The following ZFAND3 variants were observed in gnomAD, a reference collection of about 807,000 sequenced individuals.
ZFAND3 encodes the protein AN1-type zinc finger protein 3.
In ZFAND3, 10 loss-of-function variants were observed where a neutral mutation model predicts 29.6. The observed-to-expected ratio is 0.34, with a 90% CI of 0.21 to 0.57. ZFAND3 has a LOEUF of 0.57. ZFAND3 is among the 20% of genes least tolerant of loss of function. ZFAND3 has a pLI of 0.86. For missense variants in ZFAND3, 230 were observed against 304.5 expected (o/e 0.76, Z 1.82); for synonymous variants, 128 against 112.6 (o/e 1.14, Z -0.87).
chr6:38,062,300 T>G (rs1764256734), intron 3 of ZFAND3: 3 of 152,502 alleles, frequency 2.0e-5, no homozygotes, highest in Non-Finnish European at 2.9e-5. Flanking sequence ...ATAGGATGTT[T>G]AAAGGAAGGA....
chr6:38,144,184 AATATATATATAT>A (rs1554183921), intron 5 of ZFAND3, among the ~76,000 whole-genome samples: 4 of 42,544 alleles, frequency 9.4e-5, no homozygotes, highest in East Asian at 5.5e-4. Flanking sequence ...ATATATATAT[AATATATATATAT>A]ATATATATAT....
At chr6:37,891,421 C>CCG (rs1554153103) in intron 1 of ZFAND3, among the ~76,000 whole-genome samples, 1 of 142,068 alleles carries the variant, frequency 7.0e-6, no homozygotes, top group Non-Finnish European at 1.5e-5. Context: ...TTCAGTCCCC[C>CCG]CCCCCGCCTT....
chr6:37,944,430 T>C (rs1255625035), intron 2 of ZFAND3, among the ~76,000 whole-genome samples: 1 of 152,130 alleles, frequency 6.6e-6, no homozygotes, highest in African/African-American at 2.4e-5. Context: ...GTAGCCTGGG[T>C]TTATAAAATA....
chr6:38,152,720 C>G lies in ZFAND3; in HGVS notation c.*331C>G. 9.7e-7 allele frequency: 1 copy of G among 1,035,358 alleles called. No individual in the cohort carries two copies. Among genetic ancestry groups the G allele is most frequent in the South Asian group, 4.5e-5 (1 of 21,992 alleles). 64.1% of individuals were successfully genotyped at this position (1,035,358 alleles called of 1,614,324 possible). The stretch of plus-strand genomic sequence containing the variant: ...TAAAAAGCCTTAAGTGGAAAGTGTT[C>G]CAGACGGAGACTCTGAGTTAATAGA... On this transcript the variant is annotated 3_prime_UTR_variant, in exon 6 of 6. Coordinates refer to ENST00000287218, the MANE Select transcript of ZFAND3 (RefSeq NM_021943.3).
chr6:38,123,376 A>G (rs905338829), intron 5 of ZFAND3, among the ~76,000 whole-genome samples: 1 of 152,188 alleles, frequency 6.6e-6, no homozygotes, highest in Non-Finnish European at 1.5e-5. Context: ...CTTAATTTTA[A>G]TTCTTATTCA....
intron 2 of ZFAND3, among the ~76,000 whole-genome samples, chr6:37,969,997 T>C (rs1186414003): frequency 6.6e-6 from 1 of 152,010 alleles, no homozygotes; most frequent in South Asian, 2.1e-4. Context: ...GAAAACCCTG[T>C]CTCTACAAAA....
chr6:38,057,056 C>A (rs568659660), intron 2 of ZFAND3, among the ~76,000 whole-genome samples: 4 of 149,156 alleles, frequency 2.7e-5, no homozygotes, highest in Non-Finnish European at 5.9e-5. Context: ...TTAGTTATTC[C>A]TAAGTTTTTT....
At chr6:38,149,224 A>G (rs1766171210) in intron 5 of ZFAND3, among the ~76,000 whole-genome samples, 1 of 151,978 alleles carries the variant, frequency 6.6e-6, no homozygotes, top group African/African-American at 2.4e-5. Flanking sequence ...CCTGGGCAAC[A>G]TAGTGAGACC....
At chr6:38,123,828 G>A (rs1033017411) in intron 5 of ZFAND3, among the ~76,000 whole-genome samples, 3 of 152,184 alleles carry the variant, frequency 2.0e-5, no homozygotes, top group South Asian at 2.1e-4. Context: ...CAGGAGTGAA[G>A]CTGCAGACCT....
intron 1 of ZFAND3, among the ~76,000 whole-genome samples, chr6:37,848,292 C>T (rs1385534477): frequency 6.6e-6 from 1 of 152,246 alleles, no homozygotes; most frequent in African/African-American, 2.4e-5. Flanking sequence ...AAATAGCTTA[C>T]ATTGAGATTT....
chr6:37,857,951 T>C (rs1032247111), intron 1 of ZFAND3, among the ~76,000 whole-genome samples: 4 of 152,142 alleles, frequency 2.6e-5, no homozygotes, highest in African/African-American at 9.7e-5. Context: ...TAGTGTAGGA[T>C]AGTGTCTGTT....
intron 3 of ZFAND3, among the ~76,000 whole-genome samples, chr6:38,065,075 T>G (rs1764316052): frequency 6.6e-6 from 1 of 152,128 alleles, no homozygotes; most frequent in Non-Finnish European, 1.5e-5. Flanking sequence ...TCCCAGCATT[T>G]TGGGAGGCCG....
intron 4 of ZFAND3, among the ~76,000 whole-genome samples, chr6:38,115,005 G>A (rs1363606033): frequency 1.3e-5 from 2 of 152,196 alleles, no homozygotes; most frequent in Non-Finnish European, 2.9e-5. Flanking sequence ...GGGATTCAGT[G>A]ATCTAGAAGT....
At chr6:37,912,761 A>C (rs1309160480) in intron 1 of ZFAND3, among the ~76,000 whole-genome samples, 1 of 152,216 alleles carries the variant, frequency 6.6e-6, no homozygotes, top group Admixed American at 6.5e-5. Context: ...ACTGTTTGAA[A>C]AACTAGTAAA....
chr6:38,011,057 TA>T (rs1763142711), intron 2 of ZFAND3, among the ~76,000 whole-genome samples: 1 of 152,118 alleles, frequency 6.6e-6, no homozygotes, highest in South Asian at 2.1e-4. Flanking sequence ...TTGCTTTTTC[TA>T]AAAATTCATA....
intron 2 of ZFAND3, among the ~76,000 whole-genome samples, chr6:38,028,913 T>C (rs1763498021): frequency 6.6e-6 from 1 of 152,200 alleles, no homozygotes; most frequent in African/African-American, 2.4e-5. Context: ...CTCTATTTTT[T>C]GCTTGTAAGA....
intron 2 of ZFAND3, among the ~76,000 whole-genome samples, chr6:37,958,474 AT>A (rs1762139910): frequency 6.9e-6 from 1 of 144,112 alleles, no homozygotes; most frequent in African/African-American, 2.6e-5. Context: ...AAAAAAAAAA[AT>A]TCTCATTTAG....
At chr6:37,868,581 A>G (rs1474097776) in intron 1 of ZFAND3, among the ~76,000 whole-genome samples, 3 of 152,192 alleles carry the variant, frequency 2.0e-5, no homozygotes, top group Admixed American at 6.5e-5. Context: ...ATGTGGTTAT[A>G]GGAAGCCAAA....
chr6:37,823,324 A>C (rs746084202), intron 1 of ZFAND3, among the ~76,000 whole-genome samples: 2 of 152,086 alleles, frequency 1.3e-5, no homozygotes, highest in Non-Finnish European at 2.9e-5. Context: ...GCAGCTTTGC[A>C]CTCCTTGGAA....
Sources: allele counts gnomAD v4.1 joint callset (sites outside exome capture counted in the v4.1 genomes callset), GRCh38; gene constraint gnomAD v4.1.1; transcripts MANE v1.5; gene names NCBI Gene and HGNC (gene_info 2026-07-23, HGNC 2026-07-21).